GPT2: variants seen among roughly 807,000 people sequenced by gnomAD.
The protein encoded by GPT2 is glutamic--pyruvic transaminase 2, also known as alanine aminotransferase 2.
In GPT2, 30 loss-of-function variants were observed where a neutral mutation model predicts 56.9. The ratio of observed to expected loss-of-function variants is 0.53; its 90% confidence interval spans 0.39 to 0.72. GPT2 has a LOEUF of 0.72. GPT2 is among the 30% of genes least tolerant of loss of function. The pLI is 0.00. For missense variants in GPT2, 542 were observed against 703.4 expected (o/e 0.77, Z 2.60); for synonymous variants, 271 against 283.1 (o/e 0.96, Z 0.43).
At chr16:46,889,520 G>A (rs1421163266) in intron 2 of GPT2, among the ~76,000 whole-genome samples, 2 of 151,976 alleles carry the variant, frequency 1.3e-5, no homozygotes, top group Admixed American at 6.6e-5. Flanking sequence ...CTCCCAAAGC[G>A]CCAGGATTAC....
chr16:46,927,311 T>G (rs1246231818), intron 11 of GPT2, among the ~76,000 whole-genome samples: 2 of 152,212 alleles, frequency 1.3e-5, no homozygotes, highest in African/African-American at 4.8e-5. Context: ...CATCGCTGTC[T>G]GAAATGTTCC....
intron 8 of GPT2, among the ~76,000 whole-genome samples, chr16:46,920,383 C>A (rs376812255): frequency 1.3e-5 from 2 of 152,126 alleles, no homozygotes; most frequent in African/African-American, 2.4e-5. Flanking sequence ...TGGGAGATGT[C>A]CGGGTGTGAA....
At position 46,929,635 on chromosome 16, in the gene GPT2, G is replaced by C. The variant is rs1961494386; in HGVS notation, c.*638G>C. On this transcript the variant is annotated 3_prime_UTR_variant, in exon 12 of 12. Transcript: ENST00000340124. ...AGGCGTGGGTGTGAGCCAGGCTGCA[G>C]GAGGAACTGGGCCTCCGCTTCCCAG... is the stretch of plus-strand genomic sequence containing the variant. 1 of 152,544 alleles carries C rather than the reference G, an allele frequency of 6.6e-6. No homozygotes were observed. Among genetic ancestry groups the C allele is most frequent in the African/African-American group, 2.4e-5 (1 of 41,476 alleles). The allele number at this position is 152,544 out of a possible 1,614,324, so 9.4% of individuals were successfully genotyped here.
At chr16:46,914,870 G>T (rs1961111826) in intron 6 of GPT2, among the ~76,000 whole-genome samples, 1 of 152,130 alleles carries the variant, frequency 6.6e-6, no homozygotes, top group South Asian at 2.1e-4. Context: ...CAGTAATGGG[G>T]GGGAGGGCAC....
At chr16:46,921,092 C>T (rs1391065764) in intron 8 of GPT2, among the ~76,000 whole-genome samples, 10 of 152,218 alleles carry the variant, frequency 6.6e-5, no homozygotes, top group Non-Finnish European at 1.3e-4. Context: ...CACCTTGAAA[C>T]GTCCAGTCCA....
chr16:46,899,319 A>T (rs917127216), intron 3 of GPT2, among the ~76,000 whole-genome samples: 4 of 152,148 alleles, frequency 2.6e-5, no homozygotes, highest in African/African-American at 9.7e-5. Flanking sequence ...ATTGAGGCCC[A>T]TTTTGGATCA....
chr16:46,925,589 G>A, intron 10 of GPT2, among the ~76,000 whole-genome samples: 1 of 152,064 alleles, frequency 6.6e-6, no homozygotes, highest in East Asian at 1.9e-4. Flanking sequence ...TCAGCACTTT[G>A]GGAGGCTGAA....
chr16:46,931,158 T>C lies in GPT2; in HGVS notation c.*2161T>C, dbSNP rs1961537168. On this transcript the variant is annotated 3_prime_UTR_variant, in exon 12 of 12. Coordinates refer to ENST00000340124, the MANE Select transcript of GPT2 (RefSeq NM_133443.4). The stretch of plus-strand genomic sequence containing the variant: ...TATTCCTGTTCTGGTGTGTGTGGAG[T>C]GTTGGGGAGGAACAGATGCAGATCA... The C allele has an allele frequency of 6.6e-6, 1 of 151,958 alleles. No homozygotes were observed. The highest frequency in any genetic ancestry group is 2.4e-5 in the African/African-American group (1 of 41,372). The allele number at this position is 151,958 out of a possible 1,614,324, so 9.4% of individuals were successfully genotyped here. A position where few individuals can be genotyped will look rare whatever the true frequency, so the allele number is the denominator to read the frequency against.
intron 9 of GPT2, among the ~76,000 whole-genome samples, chr16:46,923,606 G>T (rs1320608834): frequency 6.6e-6 from 1 of 152,252 alleles, no homozygotes; most frequent in African/African-American, 2.4e-5. Context: ...GCCACATAGT[G>T]CTTATGCCTC....
chr16:46,900,799 C>A lies in GPT2; in HGVS notation c.442+9C>A, dbSNP rs1960802817. 1 of 1,611,584 alleles carries A rather than the reference C, an allele frequency of 6.2e-7. No individual in the cohort carries two copies. The highest frequency in any genetic ancestry group is 1.7e-5 in the Admixed American group (1 of 59,978). On this transcript the variant is annotated intron_variant, in intron 4 of 11. Transcript: ENST00000340124. ...TGGCGGGAACAGCCTGGGTGAGGCC[C>A]CAACTTGCCAGGCCCCTAGGCGTGA...
intron 6 of GPT2, among the ~76,000 whole-genome samples, chr16:46,911,868 T>C (rs1180161107): frequency 6.6e-6 from 1 of 152,184 alleles, no homozygotes; most frequent in Non-Finnish European, 1.5e-5. Flanking sequence ...TGGCCAGGTG[T>C]TTACATAAAT....
intron 8 of GPT2, among the ~76,000 whole-genome samples, chr16:46,921,472 T>G (rs1961286061): frequency 6.6e-6 from 1 of 151,710 alleles, no homozygotes; most frequent in Non-Finnish European, 1.5e-5. Context: ...TTCACCCGGC[T>G]CCCCCAAAAG....
intron 3 of GPT2, among the ~76,000 whole-genome samples, chr16:46,899,534 C>T (rs1006931008): frequency 6.6e-6 from 1 of 152,158 alleles, no homozygotes; most frequent in African/African-American, 2.4e-5. Context: ...GTCTGAGGGG[C>T]GCTCACTGGG....
At chr16:46,908,228 C>T (rs965434005) in intron 5 of GPT2, among the ~76,000 whole-genome samples, 4 of 137,306 alleles carry the variant, frequency 2.9e-5, no homozygotes, top group Non-Finnish European at 6.2e-5. Flanking sequence ...GACTACAGTC[C>T]TTGCGGGGGA....
rs765606320 is a variant in GPT2, at chr16:46,918,701, C to T, written c.981C>T (p.Tyr327=). 4.3e-6 allele frequency: 7 copies of T among 1,614,220 alleles called. No homozygotes were observed. The highest frequency in any genetic ancestry group is 5.1e-6 in the Non-Finnish European group (6 of 1,180,024). Residue 327 remains tyrosine (Y), a synonymous_variant, in exon 8 of 12, where the codon TAC becomes TAT. Transcript: ENST00000340124. ...TGCTGTACGAGATGGGGCCCGAGTA[C>T]TCCAGCAACGTGGAGCTCGCCTCCT... ...KKVLYEMGPE[Y]SSNVELASFH...
intron 8 of GPT2, among the ~76,000 whole-genome samples, chr16:46,919,585 A>G (rs1487279016): frequency 6.6e-6 from 1 of 152,238 alleles, no homozygotes; most frequent in East Asian, 1.9e-4. Context: ...GGAGCTGGAA[A>G]GGAGGGGGCA....
At position 46,916,424 on chromosome 16, in the gene GPT2, A is replaced by C. The variant is rs1223316646; in HGVS notation, c.821-204A>C. The C allele has an allele frequency of 5.3e-6, 3 of 568,842 alleles. No individual in the cohort carries two copies. In the African/African-American group the frequency reaches 5.5e-5, roughly 10 times the overall value. The allele number at this position is 568,842 out of a possible 1,614,324, so 35.2% of individuals were successfully genotyped here. On this transcript the variant is annotated intron_variant, in intron 6 of 11. Coordinates refer to ENST00000340124, the MANE Select transcript of GPT2 (RefSeq NM_133443.4). ...CGCATAACTGGCTGAGGAGAGTCAGACACACAGGCTGCTCTTCTGGGCGTC... is the reference window on the plus strand; with the variant it reads ...CGCATAACTGGCTGAGGAGAGTCAGCCACACAGGCTGCTCTTCTGGGCGTC...
chr16:46,916,686 G>C lies in GPT2; in HGVS notation c.879G>C (p.Lys293Asn). ...TGATCCACTTTGCCTGGGAAGAGAAGCTCTTTCTCCTGGCTGATGAGGTAA... is the reference window on the plus strand; with the variant it reads ...TGATCCACTTTGCCTGGGAAGAGAACCTCTTTCTCCTGGCTGATGAGGTAA... ...EDVIHFAWEE[K>N]LFLLADEVYQ... Residue 293 changes from lysine to asparagine, a missense_variant, in exon 7 of 12, where the codon AAG (lysine) becomes AAC (asparagine). Transcript: ENST00000340124. The C allele has an allele frequency of 5.0e-6, 8 of 1,612,828 alleles. No homozygotes were observed. Among genetic ancestry groups the C allele is most frequent in the Non-Finnish European group, 5.9e-6 (7 of 1,178,814 alleles).
Position 46,928,914 on chromosome 16 carries a change from A to G in GPT2, c.1489A>G (p.Ile497Val). 6.2e-7 allele frequency: 1 copy of G among 1,613,464 alleles called. No homozygotes were observed. The highest frequency in any genetic ancestry group is 2.2e-5 in the East Asian group (1 of 44,864). ...TGTTGTCTCTCCTGCCAGGATGACT[A>G]TCCTCCCTCCAGTGGAGAAGCTGAA... is the stretch of plus-strand genomic sequence containing the variant. Reference protein sequence around the residue: ...REGTYHFRMTILPPVEKLKTV... With the variant: ...REGTYHFRMTVLPPVEKLKTV... Residue 497 changes from isoleucine to valine, a missense_variant, in exon 12 of 12, where the codon ATC becomes GTC. Physicochemically the swap from Ile to Val is conservative, Grantham distance 29. Coordinates refer to ENST00000340124, the MANE Select transcript of GPT2 (RefSeq NM_133443.4).
Sources: allele counts gnomAD v4.1 joint callset (sites outside exome capture counted in the v4.1 genomes callset), GRCh38; gene constraint gnomAD v4.1.1; transcripts MANE v1.5; gene names NCBI Gene and HGNC (gene_info 2026-07-23, HGNC 2026-07-21).